The following SNX29 variants were observed in gnomAD, a reference collection of about 807,000 sequenced individuals.
SNX29 encodes the protein sorting nexin 29.
A neutral mutation model predicts 102.1 loss-of-function variants in SNX29; 78 were observed. That is an observed-to-expected ratio of 0.76 (90% CI 0.64 to 0.92). The LOEUF (loss-of-function observed/expected upper bound fraction) is 0.92. SNX29 is among the 40% of genes least tolerant of loss of function. The probability of loss-of-function intolerance (pLI) is 0.00; values close to 1 mark genes in which losing one functional copy is unlikely to be tolerated. For missense variants in SNX29, 1,280 were observed against 1,061.7 expected (o/e 1.21, Z -2.86); for synonymous variants, 580 against 414.5 (o/e 1.40, Z -4.85).
intron 13 of SNX29, among the ~76,000 whole-genome samples, chr16:12,183,873 C>G (rs542057950): frequency 6.6e-6 from 1 of 152,310 alleles, no homozygotes; most frequent in Admixed American, 6.5e-5. Context: ...ATCATCACTG[C>G]TATGTGACAG....
intron 17 of SNX29, among the ~76,000 whole-genome samples, chr16:12,402,546 T>A (rs945201790): frequency 6.6e-6 from 1 of 152,240 alleles, no homozygotes; most frequent in Non-Finnish European, 1.5e-5. Context: ...TCAGGGACAG[T>A]CAGCTTATTC....
At chr16:12,154,912 CCT>C (rs1186658486) in intron 13 of SNX29, among the ~76,000 whole-genome samples, 1 of 152,148 alleles carries the variant, frequency 6.6e-6, no homozygotes, top group Non-Finnish European at 1.5e-5. Flanking sequence ...TGCCGCACCT[CCT>C]AATATCATCA....
chr16:12,544,749 G>C (rs1415585203), intron 20 of SNX29, among the ~76,000 whole-genome samples: 2 of 152,188 alleles, frequency 1.3e-5, no homozygotes, highest in Non-Finnish European at 2.9e-5. Context: ...AGAGGTGAAG[G>C]GACGTGCTCT....
chr16:12,056,515 A>AG (rs1245611164), intron 8 of SNX29, among the ~76,000 whole-genome samples: 1 of 152,160 alleles, frequency 6.6e-6, no homozygotes, highest in Non-Finnish European at 1.5e-5. Flanking sequence ...GGGAAGGTTG[A>AG]GGGGGCTGGT....
At chr16:12,289,155 C>T (rs1272692783) in intron 15 of SNX29, among the ~76,000 whole-genome samples, 2 of 152,172 alleles carry the variant, frequency 1.3e-5, no homozygotes, top group African/African-American at 4.8e-5. Flanking sequence ...GGTAAACAGC[C>T]GTGTGTGCTG....
intron 10 of SNX29, 74 bp from the exon 11 acceptor site, chr16:12,078,759 G>C: frequency 7.7e-7 from 1 of 1,303,394 alleles, no homozygotes; most frequent in African/African-American, 1.5e-5. Flanking sequence ...ACCGACCTCT[G>C]CTAGTTTTTG....
At chr16:12,154,501 G>A (rs184623842) in intron 13 of SNX29, among the ~76,000 whole-genome samples, 144 of 152,144 alleles carry the variant, frequency 9.5e-4, no homozygotes, top group African/African-American at 3.4e-3. Flanking sequence ...AGGGTCTGTC[G>A]CCCCTATTAG....
rs79525599 is a variant in SNX29, at chr16:12,572,882, T to C, written c.*4253T>C. ...CTAAAGGTAATGATTGTCTTGACTC[T>C]GCCTTGGCATTTCGCTCGGAATCAC... On this transcript the variant is annotated 3_prime_UTR_variant, in exon 21 of 21. Transcript: ENST00000566228. The C allele has an allele frequency of 0.024, 25,363 of 1,058,256 alleles. 367 individuals carry two copies. Among genetic ancestry groups the C allele is most frequent in the African/African-American group, 0.057 (3,501 of 60,944 alleles). 65.6% of individuals were successfully genotyped at this position (1,058,256 alleles called of 1,614,324 possible).
intron 11 of SNX29, among the ~76,000 whole-genome samples, chr16:12,113,352 C>G (rs957400797): frequency 6.6e-6 from 1 of 152,090 alleles, no homozygotes; most frequent in African/African-American, 2.4e-5. Flanking sequence ...GTCGCCGAGC[C>G]GGGCTGGAAC....
At chr16:12,343,838 ATAAG>A (rs1397693172) in intron 15 of SNX29, among the ~76,000 whole-genome samples, 5 of 152,350 alleles carry the variant, frequency 3.3e-5, no homozygotes, top group African/African-American at 7.2e-5. Context: ...GAATGACTGA[ATAAG>A]TAAATGAATT....
intron 1 of SNX29, among the ~76,000 whole-genome samples, chr16:11,993,887 A>G (rs542529504): frequency 4.0e-4 from 61 of 152,198 alleles, no homozygotes; most frequent in Non-Finnish European, 7.9e-4. Context: ...TTGGAAGGCC[A>G]AGGCAGGCAG....
intron 15 of SNX29, among the ~76,000 whole-genome samples, chr16:12,308,458 C>T (rs527557033): frequency 1.3e-5 from 2 of 152,240 alleles, no homozygotes; most frequent in South Asian, 2.1e-4. Context: ...TGTAGCCTGG[C>T]ACTTCTGGGG....
At chr16:12,242,367 A>ATATAT (rs1208660733) in intron 14 of SNX29, among the ~76,000 whole-genome samples, 8 of 141,600 alleles carry the variant, frequency 5.6e-5, no homozygotes, top group African/African-American at 2.1e-4. Context: ...ATATATATAT[A>ATATAT]TTTTTTTTTT....
chr16:12,278,397 A>C (rs73506118), intron 15 of SNX29, among the ~76,000 whole-genome samples: 4,538 of 152,298 alleles, frequency 0.03, 214 homozygotes, highest in African/African-American at 0.1. Flanking sequence ...ACTATTTTTC[A>C]GAAAAACATT....
At chr16:12,110,334 C>G (rs999331534) in intron 11 of SNX29, among the ~76,000 whole-genome samples, 2 of 152,126 alleles carry the variant, frequency 1.3e-5, no homozygotes, top group Admixed American at 6.6e-5. Flanking sequence ...CCCAGCATGT[C>G]GTTCCCCACT....
At chr16:12,071,846 T>C (rs572946796) in intron 10 of SNX29, among the ~76,000 whole-genome samples, 3 of 152,358 alleles carry the variant, frequency 2.0e-5, no homozygotes, top group Admixed American at 6.5e-5. Context: ...TTTTATTTCA[T>C]TGAGCAGTGG....
chr16:12,093,258 A>C (rs1229887803), intron 11 of SNX29, among the ~76,000 whole-genome samples: 1 of 152,188 alleles, frequency 6.6e-6, no homozygotes, highest in African/African-American at 2.4e-5. Context: ...CGGCAAGTTG[A>C]GAAGCAATGT....
rs536570100 is a variant in SNX29 at position 12,246,108 on chromosome 16, G to C, written c.1679-31825G>C. On this transcript the variant is annotated intron_variant, in intron 14 of 20. Transcript: ENST00000566228. Reference sequence around the variant, plus strand: ...GTTATTACTTCCCACATAAAGCACAGGTGATGACCAAGAGGGTGTCAACCT... The same window carrying C: ...GTTATTACTTCCCACATAAAGCACACGTGATGACCAAGAGGGTGTCAACCT... Among the ~76,000 whole-genome samples the C allele has an allele frequency of 5.3e-5, 8 of 152,328 alleles. No homozygotes were observed. The South Asian group carries it at 1.7e-3, about 32-fold the overall frequency.
intron 20 of SNX29, among the ~76,000 whole-genome samples, chr16:12,555,741 T>TC (rs1157247927): frequency 6.6e-6 from 1 of 151,736 alleles, no homozygotes; most frequent in Non-Finnish European, 1.5e-5. Context: ...TCCTTCCACC[T>TC]CCCCACAACT....
Sources: gnomAD v4.1 joint callset for allele counts (sites outside exome capture counted in the v4.1 genomes callset) on GRCh38, gnomAD v4.1.1 for gene constraint, MANE v1.5 for transcripts, NCBI Gene and HGNC (gene_info 2026-07-23, HGNC 2026-07-21) for gene names.